The following ABCA8 variants were observed in gnomAD, a reference collection of about 807,000 sequenced individuals.
The protein encoded by ABCA8 is ABC-type organic anion transporter ABCA8.
A neutral mutation model predicts 192.3 loss-of-function variants in ABCA8; 177 were observed. That is an observed-to-expected ratio of 0.92 (90% CI 0.81 to 1.04). The LOEUF (loss-of-function observed/expected upper bound fraction) is 1.04. Among genes scored for constraint, ABCA8 ranks in the 50% least tolerant of loss-of-function variants. ABCA8 has a pLI of 0.00. For missense variants in ABCA8, 1,915 were observed against 1,904.8 expected (o/e 1.01, Z -0.10); for synonymous variants, 642 against 690.2 (o/e 0.93, Z 1.09).
At chr17:68,882,518 T>G (rs2066360522) in intron 30 of ABCA8, 81 bp downstream of exon 30, 9 of 1,298,030 alleles carry the variant, frequency 6.9e-6, no homozygotes, top group South Asian at 1.9e-5. Flanking sequence ...TCCTCATTTG[T>G]AAGGAACAGA....
intron 12 of ABCA8, 48 bp from the exon 13 acceptor site, chr17:68,921,540 A>G (rs747048458): frequency 1.3e-5 from 16 of 1,197,840 alleles, no homozygotes; most frequent in Admixed American, 1.9e-5. Flanking sequence ...AAGGGATGGA[A>G]AACAATTAAA....
chr17:68,950,299 T>C (rs1203943098), intron 1 of ABCA8, among the ~76,000 whole-genome samples: 3 of 152,192 alleles, frequency 2.0e-5, no homozygotes, highest in Non-Finnish European at 4.4e-5. Flanking sequence ...GCTATTCCCA[T>C]CAAGCTACCA....
At chr17:68,888,775 AT>A (rs1284913088) in intron 24 of ABCA8, among the ~76,000 whole-genome samples, 1 of 152,184 alleles carries the variant, frequency 6.6e-6, no homozygotes, top group African/African-American at 2.4e-5. Context: ...ACAATTAGAG[AT>A]CTGGGGTAGA....
intron 17 of ABCA8, among the ~76,000 whole-genome samples, chr17:68,912,803 T>G (rs975170818): frequency 6.6e-6 from 1 of 152,116 alleles, no homozygotes; most frequent in Non-Finnish European, 1.5e-5. Flanking sequence ...ACAATAATAA[T>G]AGCTGGAGAC....
At position 68,887,303 on chromosome 17, in the gene ABCA8, AATATTGTCACTTACTTGG is replaced by A. The variant is rs762157515; in HGVS notation, c.3315+15_3315+32del. On this transcript the variant is annotated intron_variant, in intron 25 of 39. Coordinates refer to ENST00000586539, the MANE Select transcript of ABCA8 (RefSeq NM_001288985.2). The stretch of plus-strand genomic sequence containing the variant: ...AATTAAATCACACAATGATATTGTG[AATATTGTCACTTACTTGG>A]ATATTGTCACTTACTTGAATAATAT... 5 of 1,536,570 alleles carry A rather than the reference AATATTGTCACTTACTTGG, an allele frequency of 3.3e-6. No individual in the cohort carries two copies. In the South Asian group the frequency reaches 4.9e-5, roughly 15 times the overall value.
intron 37 of ABCA8, among the ~76,000 whole-genome samples, chr17:68,873,677 T>C (rs2143216796): frequency 6.6e-6 from 1 of 152,344 alleles, no homozygotes; most frequent in South Asian, 2.1e-4. Context: ...AGTTCAACAA[T>C]TTCAGGTCTT....
chr17:68,920,554 A>G (rs566213523), intron 13 of ABCA8, among the ~76,000 whole-genome samples: 1 of 152,206 alleles, frequency 6.6e-6, no homozygotes, highest in Non-Finnish European at 1.5e-5. Flanking sequence ...TACCAATTAA[A>G]TATTACATAC....
intron 32 of ABCA8, chr17:68,880,145 C>G (rs975819385): frequency 2.6e-5 from 4 of 152,260 alleles, no homozygotes; most frequent in Non-Finnish European, 4.4e-5. Flanking sequence ...AAATGGCACA[C>G]ACTTCCTCCT....
chr17:68,884,471 C>A lies in ABCA8; in HGVS notation c.3550-75G>T, dbSNP rs1242280615. On this transcript the variant is annotated intron_variant, in intron 27 of 39. Transcript: ENST00000586539. ...TTTTGTCCACATATACGTGAATTGG[C>A]CCTAAACAGCCCTGCTAACATTTGA... 8 of 1,455,916 alleles carry A rather than the reference C, an allele frequency of 5.5e-6. No individual in the cohort carries two copies. In the African/African-American group the frequency reaches 1.2e-4, roughly 21 times the overall value. The allele number at this position is 1,455,916 out of a possible 1,614,324, so 90.2% of individuals were successfully genotyped here.
At chr17:68,882,040 A>C in intron 30 of ABCA8, 60 bp from the exon 31 acceptor site, 1 of 1,431,156 alleles carries the variant, frequency 7.0e-7, no homozygotes, top group Non-Finnish European at 9.8e-7. Context: ...CTTTGAAACA[A>C]AATTCCATCT....
chr17:68,880,502 C>A (rs1285536825), intron 32 of ABCA8, among the ~76,000 whole-genome samples: 1 of 152,192 alleles, frequency 6.6e-6, no homozygotes, highest in African/African-American at 2.4e-5. Context: ...AGAAGAGCTG[C>A]AGCCCTTCGG....
At chr17:68,934,753 G>A (rs2143719831) in intron 5 of ABCA8, among the ~76,000 whole-genome samples, 1 of 152,176 alleles carries the variant, frequency 6.6e-6, no homozygotes, top group East Asian at 1.9e-4. Flanking sequence ...CAATTTTTGT[G>A]GAATTTACAA....
intron 1 of ABCA8, among the ~76,000 whole-genome samples, chr17:68,951,109 A>T (rs902799167): frequency 6.6e-6 from 1 of 152,172 alleles, no homozygotes; most frequent in African/African-American, 2.4e-5. Flanking sequence ...CCTATCCAAG[A>T]TCAGCAGTTT....
Position 68,935,347 on chromosome 17 carries a change from G to C in ABCA8, c.466+1604C>G, listed in dbSNP as rs367707036. On this transcript the variant is annotated intron_variant, in intron 5 of 39. Transcript: ENST00000586539. Reference sequence around the variant, plus strand: ...GCCCAGGCTGATCTCGAACTCTTGAGCTCAGGCAATCTGCCCGGCTTGGCC... The same window carrying C: ...GCCCAGGCTGATCTCGAACTCTTGACCTCAGGCAATCTGCCCGGCTTGGCC... 1.5e-4 allele frequency among the ~76,000 whole-genome samples: 22 copies of C among 150,534 alleles called. 1 individual carries two copies. Among genetic ancestry groups the C allele is most frequent in the African/African-American group, 5.4e-4 (22 of 40,830 alleles).
At chr17:68,874,781 C>T (rs1266542057) in intron 37 of ABCA8, among the ~76,000 whole-genome samples, 1 of 152,074 alleles carries the variant, frequency 6.6e-6, no homozygotes, top group Admixed American at 6.5e-5. Flanking sequence ...ATAAATACAT[C>T]AGGATGATGC....
chr17:68,870,576 T>C (rs966624661), intron 37 of ABCA8, among the ~76,000 whole-genome samples: 5 of 152,254 alleles, frequency 3.3e-5, no homozygotes, highest in African/African-American at 1.2e-4. Context: ...ATTTTAGATA[T>C]CTTATAAGTA....
At chr17:68,881,750 C>G in intron 31 of ABCA8, 113 bp downstream of exon 31, 1 of 723,546 alleles carries the variant, frequency 1.4e-6, no homozygotes, top group Non-Finnish European at 2.4e-6. Context: ...CATTGTCATT[C>G]TCCTCTGGGT....
chr17:68,902,286 G>A (rs1033271377), intron 21 of ABCA8, among the ~76,000 whole-genome samples: 2 of 152,182 alleles, frequency 1.3e-5, no homozygotes, highest in African/African-American at 4.8e-5. Flanking sequence ...TGAGGAGTTG[G>A]GGGAGGGACG....
At chr17:68,938,232 C>T (rs1210685448) in intron 4 of ABCA8, among the ~76,000 whole-genome samples, 5 of 151,832 alleles carry the variant, frequency 3.3e-5, no homozygotes, top group East Asian at 1.9e-4. Context: ...CTTGGTGAGG[C>T]GCCGTTGGAA....
Sources: allele counts gnomAD v4.1 joint callset (sites outside exome capture counted in the v4.1 genomes callset), GRCh38; gene constraint gnomAD v4.1.1; transcripts MANE v1.5; gene names NCBI Gene and HGNC (gene_info 2026-07-23, HGNC 2026-07-21).